Variants in PDE7A observed in about 807,000 individuals in gnomAD.
PDE7A encodes high affinity 3',5'-cyclic-AMP phosphodiesterase 7A.
In PDE7A, 39 loss-of-function variants were observed where a neutral mutation model predicts 64.3. The ratio of observed to expected loss-of-function variants is 0.61; its 90% CI spans 0.47 to 0.79. The LOEUF (loss-of-function observed/expected upper bound fraction) is 0.79, where lower values mean the gene tolerates loss of function less well. PDE7A is among the 30% of genes least tolerant of loss of function. PDE7A has a pLI of 0.00. For synonymous variants in PDE7A, 203 were observed against 206.8 expected, an observed-to-expected ratio of 0.98 and a Z score of 0.16; for missense variants, 470 against 582.8, an observed-to-expected ratio of 0.81 and a Z score of 1.99.
chr8:65,820,977 T>C (rs1477513263), intron 1 of PDE7A, among the ~76,000 whole-genome samples: 1 of 152,186 alleles, frequency 6.6e-6, no homozygotes, highest in Non-Finnish European at 1.5e-5. Context: ...TTTATCCTAT[T>C]GACTTTCATA....
intron 1 of PDE7A, among the ~76,000 whole-genome samples, chr8:65,821,972 GTTCCTAA>G (rs1810551989): frequency 6.6e-6 from 1 of 152,186 alleles, no homozygotes; most frequent in African/African-American, 2.4e-5. Flanking sequence ...AGCTGATCCA[GTTCCTAA>G]CAGGCAGAAT....
At position 65,714,906 on chromosome 8, in the gene PDE7A, T is replaced by C. The variant is rs908684044; in HGVS notation, c.*4384A>G. The stretch of plus-strand genomic sequence containing the variant: ...AAAGGACATAAAATATGATTTTTAC[T>C]TTTATACAGAGTATCATTACCAACC... On this transcript the variant is annotated 3_prime_UTR_variant, in exon 13 of 13. Coordinates refer to ENST00000401827, the MANE Select transcript of PDE7A (RefSeq NM_001242318.3). 3 of 152,240 alleles carry C rather than the reference T, an allele frequency of 2.0e-5. No individual in the cohort carries two copies. Among genetic ancestry groups the C allele is most frequent in the Non-Finnish European group, 4.4e-5 (3 of 68,044 alleles). 9.4% of individuals were successfully genotyped at this position (152,240 alleles called of 1,614,324 possible).
chr8:65,823,848 A>G (rs1470710035), intron 1 of PDE7A, among the ~76,000 whole-genome samples: 2 of 152,200 alleles, frequency 1.3e-5, no homozygotes, highest in Admixed American at 6.5e-5. Context: ...TACAGCAACT[A>G]AAGACTTACT....
chr8:65,768,760 T>C (rs1441414256), intron 3 of PDE7A, among the ~76,000 whole-genome samples: 1 of 152,180 alleles, frequency 6.6e-6, no homozygotes, highest in Non-Finnish European at 1.5e-5. Context: ...CTTCTTTATG[T>C]AAAAAATCCC....
Position 65,724,354 on chromosome 8 carries a change from AGC to A in PDE7A, c.1066-5_1066-4del. 3.1e-6 allele frequency: 5 copies of A among 1,604,260 alleles called. No homozygotes were observed. Among genetic ancestry groups the A allele is most frequent in the Non-Finnish European group, 4.3e-6 (5 of 1,171,662 alleles). On this transcript the variant is annotated splice_polypyrimidine_tract_variant and splice_region_variant and intron_variant, in intron 10 of 12. Coordinates refer to ENST00000401827, the MANE Select transcript of PDE7A (RefSeq NM_001242318.3). ...ATATCAGCACATTTCAAAGCCATCT[AGC>A]AAACAAAACATTAATATTGTTTTAA...
At chr8:65,840,915 C>G (rs1331503183) in intron 1 of PDE7A, among the ~76,000 whole-genome samples, 5 of 152,220 alleles carry the variant, frequency 3.3e-5, no homozygotes, top group Non-Finnish European at 7.4e-5. Context: ...CAGGACCAGG[C>G]GAGCGCCGCG....
At position 65,715,266 on chromosome 8, in the gene PDE7A, T is replaced by C. The variant is rs1257070144; in HGVS notation, c.*4024A>G. On this transcript the variant is annotated 3_prime_UTR_variant, in exon 13 of 13. Coordinates refer to ENST00000401827, the MANE Select transcript of PDE7A (RefSeq NM_001242318.3). The stretch of plus-strand genomic sequence containing the variant: ...AAGTGGAGCTATAGGCCTGATGCAG[T>C]GTCTCACACCTGTAATCCCAGCACT... Among the ~76,000 whole-genome samples the C allele has an allele frequency of 6.6e-6, 1 of 152,130 alleles. No individual in the cohort carries two copies. The highest frequency in any genetic ancestry group is 1.5e-5 in the Non-Finnish European group (1 of 68,020).
intron 1 of PDE7A, among the ~76,000 whole-genome samples, chr8:65,788,068 T>C (rs962333432): frequency 6.6e-6 from 1 of 152,146 alleles, no homozygotes; most frequent in South Asian, 2.1e-4. Flanking sequence ...GAAAATTACA[T>C]AGCAGGTATT....
intron 3 of PDE7A, among the ~76,000 whole-genome samples, chr8:65,764,169 G>A (rs1246182315): frequency 6.6e-6 from 1 of 152,198 alleles, no homozygotes; most frequent in Non-Finnish European, 1.5e-5. Context: ...AGGAGCATGG[G>A]TGATAGAAAA....
Position 65,839,920 on chromosome 8 carries a change from C to A in PDE7A, c.138+1451G>T, listed in dbSNP as rs193275487. On this transcript the variant is annotated intron_variant, in intron 1 of 12. Coordinates refer to ENST00000401827, the MANE Select transcript of PDE7A (RefSeq NM_001242318.3). ...TAATTGTATAAATAATCAGTGATTG[C>A]CTTTATTATTCAGACATAACTGGAA... Among the ~76,000 whole-genome samples the A allele has an allele frequency of 3.3e-5, 5 of 152,224 alleles. No individual in the cohort carries two copies. The East Asian group carries it at 9.6e-4, about 29-fold the overall frequency.
chr8:65,835,264 A>G (rs1039404417), intron 1 of PDE7A, among the ~76,000 whole-genome samples: 3 of 152,250 alleles, frequency 2.0e-5, no homozygotes, highest in African/African-American at 4.8e-5. Flanking sequence ...TCTAGATCTG[A>G]AAAGATCTTT....
At chr8:65,776,261 ATATC>A in intron 3 of PDE7A, among the ~76,000 whole-genome samples, 1 of 152,312 alleles carries the variant, frequency 6.6e-6, no homozygotes, top group South Asian at 2.1e-4. Flanking sequence ...CACAAATCAA[ATATC>A]CATATATGTG....
chr8:65,746,793 G>A (rs1296471832), intron 4 of PDE7A, among the ~76,000 whole-genome samples: 2 of 152,102 alleles, frequency 1.3e-5, no homozygotes, highest in African/African-American at 4.8e-5. Context: ...AAGCAGGCAT[G>A]AACGCTTTCC....
intron 1 of PDE7A, among the ~76,000 whole-genome samples, chr8:65,804,384 C>G (rs548553014): frequency 5.3e-4 from 81 of 152,046 alleles, no homozygotes; most frequent in Middle Eastern, 6.8e-3. Context: ...CCAAGAAAGT[C>G]GTGTCAACTT....
chr8:65,732,684 T>C (rs1206713187), intron 7 of PDE7A, among the ~76,000 whole-genome samples: 1 of 152,294 alleles, frequency 6.6e-6, no homozygotes, highest in East Asian at 1.9e-4. Context: ...CATCTAACTT[T>C]TTATTTTTTG....
intron 1 of PDE7A, among the ~76,000 whole-genome samples, chr8:65,838,904 A>T (rs938707092): frequency 6.6e-6 from 1 of 152,112 alleles, no homozygotes; most frequent in Non-Finnish European, 1.5e-5. Context: ...ACGATCTCCA[A>T]ATCAATTTTG....
chr8:65,783,106 CTGTT>C (rs1743500031), intron 1 of PDE7A, among the ~76,000 whole-genome samples: 1 of 152,110 alleles, frequency 6.6e-6, no homozygotes, highest in African/African-American at 2.4e-5. Context: ...GAAATTTAAT[CTGTT>C]TGAGTAAGTC....
At chr8:65,796,169 C>T (rs531412031) in intron 1 of PDE7A, among the ~76,000 whole-genome samples, 116 of 150,300 alleles carry the variant, frequency 7.7e-4, no homozygotes, top group Admixed American at 6.5e-3. Flanking sequence ...TGTGAGCCTG[C>T]GGGACAACAT....
chr8:65,839,225 A>ATTTT (rs776079928), intron 1 of PDE7A, among the ~76,000 whole-genome samples: 21 of 146,732 alleles, frequency 1.4e-4, no homozygotes, highest in Middle Eastern at 3.5e-3. Flanking sequence ...CTTTTTTTTA[A>ATTTT]AAAAAAAAGG....
Sources: gnomAD v4.1 joint callset for allele counts (sites outside exome capture counted in the v4.1 genomes callset) on GRCh38, gnomAD v4.1.1 for gene constraint, MANE v1.5 for transcripts, NCBI Gene and HGNC (gene_info 2026-07-23, HGNC 2026-07-21) for gene names.